The following LUZP2 variants were observed in gnomAD, a reference collection of about 807,000 sequenced individuals.
The protein encoded by LUZP2 is leucine zipper protein 2.
In LUZP2, 52 loss-of-function variants were observed where a neutral mutation model predicts 51.6. That is an observed-to-expected ratio of 1.01 (90% confidence interval 0.81 to 1.27). The LOEUF is 1.27. LUZP2 is among the 50% of genes most tolerant of loss of function. LUZP2 has a pLI of 0.00. For synonymous variants in LUZP2, 154 were observed against 137.3 expected, an observed-to-expected ratio of 1.12 and a Z score of -0.85; for missense variants, 436 against 395.4, an observed-to-expected ratio of 1.10 and a Z score of -0.87.
At chr11:24,704,678 T>G (rs1172974559) in intron 1 of LUZP2, among the ~76,000 whole-genome samples, 1 of 152,114 alleles carries the variant, frequency 6.6e-6, no homozygotes, top group African/African-American at 2.4e-5. Context: ...TACAGAACCA[T>G]AAGTTCAAAT....
At position 25,081,379 on chromosome 11, in the gene LUZP2, AGCAAAGTT is replaced by A. The variant is rs1168966935; in HGVS notation, c.*2722_*2729del. 1 of 151,820 alleles carries A rather than the reference AGCAAAGTT, an allele frequency of 6.6e-6. No individual in the cohort carries two copies. The highest frequency in any genetic ancestry group is 1.5e-5 in the Non-Finnish European group (1 of 67,964). The allele number at this position is 151,820 out of a possible 1,614,324, so 9.4% of individuals were successfully genotyped here. Reference sequence around the variant, plus strand: ...TAAATATATATGGCATTATACATCCAGCAAAGTTTACTGTGTTATACTCATTGCATCAT... The same window carrying A: ...TAAATATATATGGCATTATACATCCATACTGTGTTATACTCATTGCATCAT... On this transcript the variant is annotated 3_prime_UTR_variant, in exon 12 of 12. Transcript: ENST00000336930.
intron 1 of LUZP2, among the ~76,000 whole-genome samples, chr11:24,555,546 A>G (rs1851841721): frequency 6.6e-6 from 1 of 152,166 alleles, no homozygotes; most frequent in African/African-American, 2.4e-5. Flanking sequence ...ACCTCCACTA[A>G]CTGTCATGGA....
intron 1 of LUZP2, among the ~76,000 whole-genome samples, chr11:24,660,838 G>T (rs1409065516): frequency 2.6e-5 from 4 of 151,810 alleles, no homozygotes; most frequent in African/African-American, 9.7e-5. Context: ...AAAACAATGG[G>T]CTTCTTATGA....
intron 1 of LUZP2, among the ~76,000 whole-genome samples, chr11:24,646,851 A>G (rs1019117542): frequency 2.0e-5 from 3 of 152,070 alleles, no homozygotes; most frequent in African/African-American, 7.2e-5. Flanking sequence ...CTTTTAGTGC[A>G]TGCCAGTCAT....
rs117966764 is a variant in LUZP2 at position 24,677,518 on chromosome 11, C to A, written c.63-51651C>A. ...TCTATCAGGAATTCCAAAGCCCCTG[C>A]TCTTTGCAAATTAGGCATTTTTATA... On this transcript the variant is annotated intron_variant, in intron 1 of 11. Coordinates refer to ENST00000336930, the MANE Select transcript of LUZP2 (RefSeq NM_001009909.4). Among the ~76,000 whole-genome samples the A allele has an allele frequency of 6.6e-4, 100 of 152,304 alleles. 2 individuals are homozygous for A. In the South Asian group the frequency reaches 0.013, roughly 20 times the overall value.
intron 10 of LUZP2, 107 bp downstream of exon 10, chr11:25,050,237 C>A: frequency 3.3e-6 from 1 of 307,050 alleles, no homozygotes. Flanking sequence ...TATGTAATAT[C>A]TACTATCTAA....
chr11:24,997,738 T>A (rs1284435421), intron 9 of LUZP2, among the ~76,000 whole-genome samples: 3 of 152,100 alleles, frequency 2.0e-5, no homozygotes, highest in Non-Finnish European at 4.4e-5. Flanking sequence ...TCTTCTAGGG[T>A]TTTTATGGTT....
At chr11:24,530,292 C>A (rs11027979) in intron 1 of LUZP2, among the ~76,000 whole-genome samples, 18,240 of 150,658 alleles carry the variant, frequency 0.12, 1,443 homozygotes, top group African/African-American at 0.21. Context: ...GCATATTTGA[C>A]TTGACAATTT....
chr11:24,713,723 C>T (rs190741375), intron 1 of LUZP2, among the ~76,000 whole-genome samples: 343 of 129,942 alleles, frequency 2.6e-3, no homozygotes, highest in African/African-American at 9.5e-3. Flanking sequence ...GAGTCTTGCT[C>T]TATCACCCAG....
chr11:25,026,857 T>A (rs545700815), intron 9 of LUZP2, among the ~76,000 whole-genome samples: 3 of 147,862 alleles, frequency 2.0e-5, no homozygotes, highest in Non-Finnish European at 4.4e-5. Flanking sequence ...TTATTTTTTT[T>A]ATTTTTTTAA....
intron 4 of LUZP2, among the ~76,000 whole-genome samples, chr11:24,749,043 A>T (rs1859482245): frequency 6.6e-6 from 1 of 152,344 alleles, no homozygotes; most frequent in South Asian, 2.1e-4. Flanking sequence ...ACCAGAGGGC[A>T]TATCTCACTC....
intron 1 of LUZP2, among the ~76,000 whole-genome samples, chr11:24,539,742 T>G (rs1190949774): frequency 6.6e-6 from 1 of 152,054 alleles, no homozygotes; most frequent in Non-Finnish European, 1.5e-5. Flanking sequence ...AGCTGTTACT[T>G]AAGCCACCAT....
chr11:24,656,266 A>T (rs1388651641), intron 1 of LUZP2, among the ~76,000 whole-genome samples: 1 of 152,118 alleles, frequency 6.6e-6, no homozygotes, highest in East Asian at 1.9e-4. Flanking sequence ...CCATTCTATC[A>T]ATTTTCTAGT....
intron 5 of LUZP2, among the ~76,000 whole-genome samples, chr11:24,795,738 A>G (rs1849528070): frequency 6.6e-6 from 1 of 152,126 alleles, no homozygotes; most frequent in Non-Finnish European, 1.5e-5. Flanking sequence ...TCTTGAGATC[A>G]GAGAGCTAAA....
At chr11:24,828,512 A>T (rs141444166) in intron 5 of LUZP2, among the ~76,000 whole-genome samples, 170 of 151,218 alleles carry the variant, frequency 1.1e-3, no homozygotes, top group African/African-American at 4.0e-3. Context: ...CCAGTTACTG[A>T]TCTCCTGCAC....
chr11:24,669,102 A>G (rs1396810506), intron 1 of LUZP2, among the ~76,000 whole-genome samples: 1 of 152,172 alleles, frequency 6.6e-6, no homozygotes, highest in Non-Finnish European at 1.5e-5. Context: ...AAAAGAACCA[A>G]GTTAAAGACC....
chr11:24,552,425 C>G (rs1260499188), intron 1 of LUZP2, among the ~76,000 whole-genome samples: 1 of 151,888 alleles, frequency 6.6e-6, no homozygotes, highest in Non-Finnish European at 1.5e-5. Context: ...TATAAGCCCA[C>G]CATGATGCCT....
chr11:24,553,269 A>G (rs1851772197), intron 1 of LUZP2, among the ~76,000 whole-genome samples: 1 of 152,002 alleles, frequency 6.6e-6, no homozygotes, highest in South Asian at 2.1e-4. Flanking sequence ...TTGTTAGAGA[A>G]AGTAGCTTAT....
intron 10 of LUZP2, among the ~76,000 whole-genome samples, chr11:25,052,908 A>T (rs1312441393): frequency 6.6e-6 from 1 of 152,174 alleles, no homozygotes; most frequent in Non-Finnish European, 1.5e-5. Flanking sequence ...GTTTTTAACA[A>T]GGACAAAAAG....
Sources: gnomAD v4.1 joint callset for allele counts (sites outside exome capture counted in the v4.1 genomes callset) on GRCh38, gnomAD v4.1.1 for gene constraint, MANE v1.5 for transcripts, NCBI Gene and HGNC (gene_info 2026-07-23, HGNC 2026-07-21) for gene names.